Variants in LGR5 observed in about 807,000 individuals in gnomAD.
LGR5 encodes the protein leucine-rich repeat-containing G protein-coupled receptor 5.
LGR5 carries 54 observed loss-of-function variants against 76.7 expected under a neutral mutation model. The observed-to-expected ratio is 0.70, with a 90% CI of 0.57 to 0.88. The LOEUF (loss-of-function observed/expected upper bound fraction) is 0.88. LGR5 is among the 40% of genes least tolerant of loss of function. The pLI is 0.00. For missense variants in LGR5, 1,078 were observed against 1,073.3 expected (o/e 1.00, Z -0.06); for synonymous variants, 406 against 421.9 (o/e 0.96, Z 0.46).
chr12:71,492,839 G>A (rs1874134878), intron 1 of LGR5, among the ~76,000 whole-genome samples: 1 of 146,422 alleles, frequency 6.8e-6, no homozygotes, highest in South Asian at 2.1e-4. Context: ...TGTAGCTGTT[G>A]CAGCTGTAAA....
At chr12:71,456,902 T>C (rs1283153763) in intron 1 of LGR5, among the ~76,000 whole-genome samples, 1 of 152,068 alleles carries the variant, frequency 6.6e-6, no homozygotes, top group Non-Finnish European at 1.5e-5. Flanking sequence ...ATATCTTTCC[T>C]GTCTTGGGTA....
In LGR5 at chr12:71,475,326, T is replaced by G. The variant is rs117004053; in HGVS notation, c.213-29288T>G. Among the ~76,000 whole-genome samples the G allele has an allele frequency of 1.6e-3, 251 of 152,322 alleles. 3 individuals carry two copies. The East Asian group carries it at 0.025, about 15-fold the overall frequency. ...CTGTTCCCTTTATACGTCTTTAATT[T>G]AAAACAAAAGAAAAAGAACTGCCAC... On this transcript the variant is annotated intron_variant, in intron 1 of 17. Coordinates refer to ENST00000266674, the MANE Select transcript of LGR5 (RefSeq NM_003667.4).
At chr12:71,471,720 C>A (rs1332638163) in intron 1 of LGR5, among the ~76,000 whole-genome samples, 1 of 151,176 alleles carries the variant, frequency 6.6e-6, no homozygotes, top group East Asian at 1.9e-4. Context: ...TGATCATGGG[C>A]AGGATATTTA....
intron 1 of LGR5, among the ~76,000 whole-genome samples, chr12:71,454,083 GCAGA>G (rs1872363042): frequency 1.3e-5 from 2 of 152,106 alleles, no homozygotes; most frequent in South Asian, 4.1e-4. Flanking sequence ...AGTTCTTGGA[GCAGA>G]CAGTCTTTTA....
intron 1 of LGR5, among the ~76,000 whole-genome samples, chr12:71,503,105 G>T (rs1230633730): frequency 6.6e-6 from 1 of 152,156 alleles, no homozygotes; most frequent in African/African-American, 2.4e-5. Flanking sequence ...GAAATATCAA[G>T]TCTTTGCAGA....
At chr12:71,502,569 A>C (rs774707073) in intron 1 of LGR5, among the ~76,000 whole-genome samples, 5 of 152,184 alleles carry the variant, frequency 3.3e-5, no homozygotes, top group Non-Finnish European at 5.9e-5. Flanking sequence ...ATAGGGTCTC[A>C]AGCTATTAAC....
At chr12:71,449,031 C>T (rs12317208) in intron 1 of LGR5, among the ~76,000 whole-genome samples, 10,883 of 152,218 alleles carry the variant, frequency 0.071, 1,352 homozygotes, top group African/African-American at 0.25. Context: ...ACAGTGCTGA[C>T]GGAACTGAGA....
chr12:71,512,568 A>G (rs187473560), intron 2 of LGR5, among the ~76,000 whole-genome samples: 1 of 152,214 alleles, frequency 6.6e-6, no homozygotes, highest in Non-Finnish European at 1.5e-5. Context: ...AAAGCTGTAC[A>G]GGTGGGCTGA....
At chr12:71,449,484 A>G (rs1031174929) in intron 1 of LGR5, among the ~76,000 whole-genome samples, 24 of 152,150 alleles carry the variant, frequency 1.6e-4, no homozygotes, top group Non-Finnish European at 2.6e-4. Context: ...CCAGGATGTG[A>G]GCATATCTCA....
At chr12:71,499,812 T>C (rs1355294700) in intron 1 of LGR5, among the ~76,000 whole-genome samples, 3 of 152,132 alleles carry the variant, frequency 2.0e-5, no homozygotes, top group Admixed American at 1.3e-4. Context: ...CCTGAGGGGC[T>C]GCATTCCTTT....
intron 4 of LGR5, among the ~76,000 whole-genome samples, chr12:71,535,865 C>T (rs891060418): frequency 2.6e-5 from 4 of 152,174 alleles, no homozygotes; most frequent in Non-Finnish European, 5.9e-5. Context: ...TTCCTACCCC[C>T]CTACACACAC....
intron 11 of LGR5, 104 bp downstream of exon 11, chr12:71,567,016 T>A (rs778105513): frequency 6.0e-5 from 59 of 977,856 alleles, no homozygotes; most frequent in Non-Finnish European, 1.6e-6. Flanking sequence ...GGAGAAAGTT[T>A]TTCCTTTCAG....
chr12:71,502,389 G>A (rs1332666082), intron 1 of LGR5, among the ~76,000 whole-genome samples: 1 of 151,444 alleles, frequency 6.6e-6, no homozygotes. Context: ...GTAGAGATGG[G>A]GTCTCACCAT....
intron 1 of LGR5, among the ~76,000 whole-genome samples, chr12:71,465,745 A>G (rs1872838065): frequency 1.3e-5 from 2 of 152,214 alleles, no homozygotes; most frequent in South Asian, 4.1e-4. Context: ...TTACCTCAGG[A>G]TTCCTTTTTC....
Position 71,533,777 on chromosome 12 carries a change from T to C in LGR5, c.357-1338T>C, listed in dbSNP as rs550288271. Among the ~76,000 whole-genome samples the C allele has an allele frequency of 2.6e-5, 4 of 152,354 alleles. 1 individual carries two copies. In the South Asian group the frequency reaches 8.3e-4, roughly 32 times the overall value. Reference sequence around the variant, plus strand: ...AATGAGCCCTGCAAGGTAGGTGTTATTACTGATCGCTGAGGCATAGAGAGA... The same window carrying C: ...AATGAGCCCTGCAAGGTAGGTGTTACTACTGATCGCTGAGGCATAGAGAGA... On this transcript the variant is annotated intron_variant, in intron 3 of 17. Coordinates refer to ENST00000266674, the MANE Select transcript of LGR5 (RefSeq NM_003667.4).
intron 8 of LGR5, among the ~76,000 whole-genome samples, chr12:71,566,185 T>G (rs1320119412): frequency 1.3e-5 from 2 of 152,172 alleles, no homozygotes; most frequent in African/African-American, 4.8e-5. Flanking sequence ...TTGTCAGAAA[T>G]CTTCAATTTT....
In LGR5 at chr12:71,533,114, G is replaced by A. The variant is rs1876408624; in HGVS notation, c.357-2001G>A. On this transcript the variant is annotated intron_variant, in intron 3 of 17. Coordinates refer to ENST00000266674, the MANE Select transcript of LGR5 (RefSeq NM_003667.4). ...AATCCCAGAACTTTGGGAGGTTGAG[G>A]TGGGAGGATCACTTGAGGTCAGGAG... Among the ~76,000 whole-genome samples the A allele has an allele frequency of 2.6e-5, 4 of 152,098 alleles. No homozygotes were observed. In the South Asian group the frequency reaches 8.3e-4, roughly 32 times the overall value.
intron 2 of LGR5, among the ~76,000 whole-genome samples, chr12:71,520,531 G>A (rs541311255): frequency 2.6e-4 from 39 of 152,142 alleles, no homozygotes; most frequent in East Asian, 9.7e-4. Flanking sequence ...AGAATACTAC[G>A]CAGCCATAAA....
At chr12:71,539,325 T>C (rs1237298852) in intron 4 of LGR5, among the ~76,000 whole-genome samples, 3 of 152,346 alleles carry the variant, frequency 2.0e-5, no homozygotes, top group East Asian at 1.9e-4. Flanking sequence ...GAATAAAGTT[T>C]AGGAAATTTG....
Sources: allele counts gnomAD v4.1 joint callset (sites outside exome capture counted in the v4.1 genomes callset), GRCh38; gene constraint gnomAD v4.1.1; transcripts MANE v1.5; gene names NCBI Gene and HGNC (gene_info 2026-07-23, HGNC 2026-07-21).